Variants in DCC observed in about 807,000 individuals in gnomAD.
DCC encodes netrin receptor DCC.
Under a neutral mutation model 172.5 loss-of-function variants are expected in DCC, and 58 were observed. That is an observed-to-expected ratio of 0.34 (90% confidence interval 0.27 to 0.42). DCC has a LOEUF of 0.42. Ranked by LOEUF, DCC falls within the 10% of genes least tolerant of loss-of-function variation. The pLI, the probability that DCC is intolerant of heterozygous loss-of-function variation, is 1.00. For missense variants in DCC, 1,740 were observed against 1,791.0 expected (o/e 0.97, Z 0.51); for synonymous variants, 709 against 644.5 (o/e 1.10, Z -1.52).
At chr18:52,802,340 A>T (rs2038005194) in intron 2 of DCC, among the ~76,000 whole-genome samples, 1 of 152,052 alleles carries the variant, frequency 6.6e-6, no homozygotes, top group African/African-American at 2.4e-5. Flanking sequence ...CTACAGAAGG[A>T]ATTTAAGGTG....
intron 22 of DCC, among the ~76,000 whole-genome samples, chr18:53,449,497 G>T (rs1454320792): frequency 6.6e-6 from 1 of 152,174 alleles, no homozygotes; most frequent in Non-Finnish European, 1.5e-5. Flanking sequence ...CTGCTTTTAG[G>T]TGGGATTCAT....
intron 12 of DCC, among the ~76,000 whole-genome samples, chr18:53,238,631 A>G (rs1172724929): frequency 6.6e-6 from 1 of 152,158 alleles, no homozygotes; most frequent in South Asian, 2.1e-4. Flanking sequence ...GCCTTATAAT[A>G]CTAGTAAACA....
At chr18:52,742,827 C>T (rs536647884) in intron 1 of DCC, among the ~76,000 whole-genome samples, 15 of 151,994 alleles carry the variant, frequency 9.9e-5, no homozygotes, top group South Asian at 4.2e-4. Flanking sequence ...TAAGAATGGG[C>T]GTAGAAGGAT....
chr18:52,847,389 T>G (rs926553466), intron 2 of DCC, among the ~76,000 whole-genome samples: 28 of 152,168 alleles, frequency 1.8e-4, no homozygotes, highest in Admixed American at 1.6e-3. Flanking sequence ...AGGTGGCTCA[T>G]GGAGGGATGA....
chr18:53,371,898 A>C (rs1432762882), intron 15 of DCC, among the ~76,000 whole-genome samples: 1 of 152,142 alleles, frequency 6.6e-6, no homozygotes, highest in South Asian at 2.1e-4. Flanking sequence ...TATGCAAATC[A>C]AAACCACAAT....
chr18:52,816,213 C>A (rs959324117), intron 2 of DCC, among the ~76,000 whole-genome samples: 1 of 152,196 alleles, frequency 6.6e-6, no homozygotes, highest in Non-Finnish European at 1.5e-5. Context: ...GACAAAAATG[C>A]TGGCAATTCA....
intron 1 of DCC, among the ~76,000 whole-genome samples, chr18:52,561,100 GA>G (rs1040588268): frequency 1.3e-5 from 2 of 151,898 alleles, no homozygotes; most frequent in African/African-American, 2.4e-5. Flanking sequence ...CTTTATTCAA[GA>G]TTTTTTTTAA....
intron 2 of DCC, among the ~76,000 whole-genome samples, chr18:52,781,610 A>G (rs972636533): frequency 6.6e-6 from 1 of 151,888 alleles, no homozygotes; most frequent in African/African-American, 2.4e-5. Context: ...TCTGCCATCC[A>G]CTTCATCCTC....
chr18:52,956,580 G>C (rs904379030), intron 5 of DCC, among the ~76,000 whole-genome samples: 4 of 151,860 alleles, frequency 2.6e-5, no homozygotes, highest in Non-Finnish European at 5.9e-5. Flanking sequence ...GCTATTCTGG[G>C]TCTTTTGCCT....
intron 8 of DCC, among the ~76,000 whole-genome samples, chr18:53,163,904 T>C (rs2144416906): frequency 6.6e-6 from 1 of 152,326 alleles, no homozygotes; most frequent in Middle Eastern, 3.4e-3. Flanking sequence ...AGCAAGCATT[T>C]ATTGGGCACT....
chr18:52,964,820 G>C (rs545825758), intron 5 of DCC, among the ~76,000 whole-genome samples: 2,051 of 152,220 alleles, frequency 0.013, 60 homozygotes, highest in African/African-American at 0.047. Flanking sequence ...AGAAATCAGC[G>C]CGTTGGCAAG....
intron 2 of DCC, among the ~76,000 whole-genome samples, chr18:52,890,735 C>T (rs993441487): frequency 1.3e-5 from 2 of 152,022 alleles, no homozygotes; most frequent in African/African-American, 4.8e-5. Flanking sequence ...ATATGTGTCT[C>T]AAATACTGTT....
intron 12 of DCC, among the ~76,000 whole-genome samples, chr18:53,232,933 TC>T (rs1318047576): frequency 3.6e-4 from 49 of 135,756 alleles, no homozygotes; most frequent in Non-Finnish European, 1.3e-4. Flanking sequence ...CTTGCTCCTT[TC>T]TTTTTTTTTT....
chr18:52,346,038 A>G (rs1276238417), intron 1 of DCC, among the ~76,000 whole-genome samples: 5 of 152,208 alleles, frequency 3.3e-5, no homozygotes, highest in Admixed American at 2.0e-4. Context: ...AGAGGAAAAA[A>G]CATTTCTTAA....
rs531920314 is a variant in DCC at position 52,759,643 on chromosome 18, C to T, written c.412+7269C>T. ...AAAACTCTTTTGAATTTTAGAAAAC[C>T]TTTTTGGAATACAAAAATTTAAGTT... On this transcript the variant is annotated intron_variant, in intron 2 of 28. Transcript: ENST00000442544. Among the ~76,000 whole-genome samples, 8 of 152,152 alleles carry T rather than the reference C, an allele frequency of 5.3e-5. No homozygotes were observed. The East Asian group carries it at 1.4e-3, about 26-fold the overall frequency.
At chr18:53,494,206 C>T (rs753458756) in intron 26 of DCC, among the ~76,000 whole-genome samples, 30 of 152,094 alleles carry the variant, frequency 2.0e-4, no homozygotes, top group African/African-American at 6.0e-4. Context: ...TTATTATTTC[C>T]GTTCCTTTCC....
intron 3 of DCC, among the ~76,000 whole-genome samples, chr18:52,909,973 A>T (rs775354656): frequency 1.2e-4 from 18 of 152,166 alleles, no homozygotes; most frequent in Non-Finnish European, 1.8e-4. Flanking sequence ...AAGAAAATAG[A>T]GATCAAAAGC....
chr18:53,307,897 G>GTATA (rs771876514), intron 13 of DCC, among the ~76,000 whole-genome samples: 5 of 67,412 alleles, frequency 7.4e-5, no homozygotes, highest in East Asian at 4.4e-4. Context: ...GTGTGTGTAT[G>GTATA]TATATATATA....
chr18:53,371,366 C>T (rs2058058683), intron 15 of DCC, among the ~76,000 whole-genome samples: 1 of 151,954 alleles, frequency 6.6e-6, no homozygotes, highest in Non-Finnish European at 1.5e-5. Flanking sequence ...CCACAGTTTT[C>T]AAAGAAGTGG....
Sources: allele counts gnomAD v4.1 joint callset (sites outside exome capture counted in the v4.1 genomes callset), GRCh38; gene constraint gnomAD v4.1.1; transcripts MANE v1.5; gene names NCBI Gene and HGNC (gene_info 2026-07-23, HGNC 2026-07-21).